SLITRK3: variants seen among roughly 807,000 people sequenced by gnomAD.
The protein encoded by SLITRK3 is SLIT and NTRK like family member 3, also known as SLIT and NTRK-like protein 3.
Under a neutral mutation model 63.6 loss-of-function variants are expected in SLITRK3, and 16 were observed. That is an observed-to-expected ratio of 0.25 (90% confidence interval 0.17 to 0.38). The LOEUF is 0.38. Among genes scored for constraint, SLITRK3 ranks in the 10% least tolerant of loss-of-function variants. The pLI is 1.00. For synonymous variants in SLITRK3, 547 were observed against 451.6 expected, an observed-to-expected ratio of 1.21 and a Z score of -2.68; for missense variants, 1,117 against 1,181.4, an observed-to-expected ratio of 0.95 and a Z score of 0.80.
chr3:165,187,769 T>G lies in SLITRK3; in HGVS notation c.*128A>C. On this transcript the variant is annotated 3_prime_UTR_variant, in exon 2 of 2. Coordinates refer to ENST00000475390, the MANE Select transcript of SLITRK3 (RefSeq NM_001318810.2). ...TCTAGTTATCATGCGGTTTTAGTTT[T>G]GTTCAGGGTAGGAAAGATCGTGAGG... 1 of 736,426 alleles carries G rather than the reference T, an allele frequency of 1.4e-6. No individual in the cohort carries two copies. 45.6% of individuals were successfully genotyped at this position (736,426 alleles called of 1,614,324 possible).
chr3:165,196,897 G>GTCTCTCTCTCTCTGTCTCTCTC, upstream of SLITRK3: 1 of 96,528 alleles, frequency 1.0e-5, no homozygotes, highest in African/African-American at 3.6e-5. Flanking sequence ...CTCTCTCTCT[G>GTCTCTCTCTCTCTGTCTCTCTC]TCTCTCTCTC....
upstream of SLITRK3, chr3:165,196,981 T>TCTCG (rs1718463427): frequency 6.6e-6 from 1 of 151,934 alleles, no homozygotes; most frequent in Non-Finnish European, 1.5e-5. Flanking sequence ...TCTCGCTCTC[T>TCTCG]CTCTCTCGCT....
intron 1 of SLITRK3, 29 bp downstream of exon 1, chr3:165,195,546 ATTAGG>A (rs1718385475): frequency 6.6e-6 from 1 of 152,280 alleles, no homozygotes; most frequent in Non-Finnish European, 1.5e-5. Flanking sequence ...ACTGGTTTCA[ATTAGG>A]CGAAGTAGGA....
At position 165,187,277 on chromosome 3, in the gene SLITRK3, G is replaced by C. The variant is rs895112644; in HGVS notation, c.*620C>G. ...GTACCTGCACCAGCAGGAAGAAACT[G>C]CAGGTTTAGGGACCATGGTCTGCAG... is the stretch of plus-strand genomic sequence containing the variant. On this transcript the variant is annotated 3_prime_UTR_variant, in exon 2 of 2. Transcript: ENST00000475390. 6.5e-6 allele frequency: 1 copy of C among 153,178 alleles called. No individual in the cohort carries two copies. The highest frequency in any genetic ancestry group is 1.4e-5 in the Non-Finnish European group (1 of 69,316). 9.5% of individuals were successfully genotyped at this position (153,178 alleles called of 1,614,324 possible). A position where few individuals can be genotyped will look rare whatever the true frequency, so the allele number is the denominator to read the frequency against.
rs1200956797 is a variant in SLITRK3, at chr3:165,189,482, C to T, written c.1349G>A (p.Gly450Glu). Reference protein sequence around the residue: ...GNNRISYVQDGAFINLPNLKS... With the variant: ...GNNRISYVQDEAFINLPNLKS... ...TAAGTTGGGCAAGTTGATAAAGGCC[C>T]CATCTTGGACATAGGAAATACGATT... is the stretch of plus-strand genomic sequence containing the variant. Residue 450 changes from glycine (G) to glutamate (E), a missense_variant, in exon 2 of 2, where the codon GGG becomes GAG. This residue lies in a region of SLITRK3 where 158 missense variants were observed against 197.2 expected (regional missense o/e 0.80). Coordinates refer to ENST00000475390, the MANE Select transcript of SLITRK3 (RefSeq NM_001318810.2). This position sits in a 1 kb window ranked among gnomAD's most constrained non-coding sequence, Gnocchi z 4.0. The T allele has an allele frequency of 6.2e-7, 1 of 1,613,460 alleles. No homozygotes were observed. The highest frequency in any genetic ancestry group is 1.7e-5 in the Admixed American group (1 of 59,990).
At position 165,189,829 on chromosome 3, in the gene SLITRK3, C is replaced by G; in HGVS notation, c.1002G>C (p.Lys334Asn). 6.2e-7 allele frequency: 1 copy of G among 1,613,988 alleles called. No individual in the cohort carries two copies. Among genetic ancestry groups the G allele is most frequent in the Non-Finnish European group, 8.5e-7 (1 of 1,179,992 alleles). ...VEYKSSNKQP[K>N]PTKQPRTPRP... ...TTGGTGTTCGAGGCTGTTTGGTGGG[C>G]TTAGGCTGTTTATTTGAGGACTTGT... is the stretch of plus-strand genomic sequence containing the variant. The change falls in exon 2 of 2, where the codon AAG (lysine) becomes AAC (asparagine). Residue 334 changes from lysine (K) to asparagine (N), a missense_variant. Lys to Asn is a moderately conservative substitution (Grantham distance 94). This residue lies in a region of SLITRK3 where 452 missense variants were observed against 495.3 expected (regional missense o/e 0.91). Transcript: ENST00000475390. The surrounding 1 kb of genome is among the most constrained non-coding windows in gnomAD (Gnocchi z 4.0).
chr3:165,196,421 G>C (rs909045140), upstream of SLITRK3, among the ~76,000 whole-genome samples: 3 of 146,592 alleles, frequency 2.0e-5, no homozygotes, highest in Admixed American at 6.8e-5. Context: ...CTTCTCGAGC[G>C]GGAGAAGGTG....
rs148619985 is a variant in SLITRK3, at chr3:165,188,957, G to C, written c.1874C>G (p.Ala625Gly). 5.0e-6 allele frequency: 8 copies of C among 1,614,138 alleles called. No individual in the cohort carries two copies. The Admixed American group carries it at 1.2e-4, about 24-fold the overall frequency. Residue 625 changes from alanine (A) to glycine (G), a missense_variant, in exon 2 of 2, where the codon GCC becomes GGC. Ala to Gly is a moderately conservative substitution (Grantham distance 60). This residue lies in a region of SLITRK3 where 499 missense variants were observed against 463.6 expected (regional missense o/e 1.08). Transcript: ENST00000475390. The stretch of plus-strand genomic sequence containing the variant: ...AATAAGGTGAGAATCTCCAGGCTGG[G>C]CTGGGGATTCTCCAGCTGGTGCAAC... ...LHVAPAGESP[A>G]QPGDSHLIGA...
At chr3:165,192,010 T>C (rs1718247112) in intron 1 of SLITRK3, among the ~76,000 whole-genome samples, 1 of 152,248 alleles carries the variant, frequency 6.6e-6, no homozygotes, top group Non-Finnish European at 1.5e-5. Context: ...ACATAAATGA[T>C]AATAATGCAG....
At chr3:165,196,975 GCT>G (rs139799297), upstream of SLITRK3, 8 of 95,586 alleles carry the variant, frequency 8.4e-5, no homozygotes, top group Non-Finnish European at 1.1e-4. Flanking sequence ...TCTCGCTCTC[GCT>G]CTCTCTCTCT....
intron 1 of SLITRK3, among the ~76,000 whole-genome samples, chr3:165,193,106 A>AGTGTGTGTGTGTGT (rs35240347): frequency 7.0e-6 from 1 of 143,342 alleles, no homozygotes; most frequent in African/African-American, 2.6e-5. Flanking sequence ...CAGTTGAGTG[A>AGTGTGTGTGTGTGT]GTGTGTGTGT....
chr3:165,190,523 G>A lies in SLITRK3; in HGVS notation c.308C>T (p.Ala103Val). Reference sequence around the variant, plus strand: ...ATTGTTCCCAAGATTAATAGACACAGCATTATTCAAATGAAGAAAACTGTT... The same window carrying A: ...ATTGTTCCCAAGATTAATAGACACAACATTATTCAAATGAAGAAAACTGTT... ...YTNSFLHLNNAVSINLGNNAL... is the reference protein window; with the variant it reads ...YTNSFLHLNNVVSINLGNNAL... The change falls in exon 2 of 2, where the codon GCT (alanine) becomes GTT (valine). Residue 103 changes from alanine (A) to valine (V), a missense_variant. Ala to Val is a moderately conservative substitution (Grantham distance 64). This residue lies in a region of SLITRK3 where 452 missense variants were observed against 495.3 expected (regional missense o/e 0.91). Coordinates refer to ENST00000475390, the MANE Select transcript of SLITRK3 (RefSeq NM_001318810.2). The A allele has an allele frequency of 2.5e-6, 4 of 1,613,514 alleles. No individual in the cohort carries two copies. The highest frequency in any genetic ancestry group is 2.5e-6 in the Non-Finnish European group (3 of 1,179,712).
At position 165,189,478 on chromosome 3, in the gene SLITRK3, G is replaced by A. The variant is rs139318309; in HGVS notation, c.1353C>T (p.Ala451=). 5 of 1,613,568 alleles carry A rather than the reference G, an allele frequency of 3.1e-6. No homozygotes were observed. The highest frequency in any genetic ancestry group is 2.7e-5 in the African/African-American group (2 of 75,054). Residue 451 remains alanine, a synonymous_variant, in exon 2 of 2, where the codon GCC becomes GCT. Transcript: ENST00000475390. This position sits in a 1 kb window ranked among gnomAD's most constrained non-coding sequence, Gnocchi z 4.0. ...NNRISYVQDG[A]FINLPNLKSL... ...TCTTTAAGTTGGGCAAGTTGATAAA[G>A]GCCCCATCTTGGACATAGGAAATAC...
chr3:165,190,498 A>G lies in SLITRK3; in HGVS notation c.333T>C (p.Asn111=), dbSNP rs2108208736. Residue 111 remains asparagine (N), a synonymous_variant, in exon 2 of 2, where the codon AAT becomes AAC. Coordinates refer to ENST00000475390, the MANE Select transcript of SLITRK3 (RefSeq NM_001318810.2). ...CTCCAGTCTGAATGTCCTGCAATGC[A>G]TTGTTCCCAAGATTAATAGACACAG... ...NNAVSINLGN[N]ALQDIQTGAF... The G allele has an allele frequency of 1.9e-6, 3 of 1,613,960 alleles. No homozygotes were observed. Among genetic ancestry groups the G allele is most frequent in the Middle Eastern group, 1.6e-4 (1 of 6,062 alleles).
At position 165,187,882 on chromosome 3, in the gene SLITRK3, A is replaced by G; in HGVS notation, c.*15T>C. On this transcript the variant is annotated 3_prime_UTR_variant, in exon 2 of 2. Transcript: ENST00000475390. ...TTTGAAAAAAAAAAAGCACTAATAT[A>G]TTTTCTTCTCTCTGTTAGAACCTGT... 6.4e-7 allele frequency: 1 copy of G among 1,554,658 alleles called. No homozygotes were observed. The highest frequency in any genetic ancestry group is 2.3e-5 in the East Asian group (1 of 44,310).
At position 165,187,630 on chromosome 3, in the gene SLITRK3, A is replaced by G. The variant is rs1346898722; in HGVS notation, c.*267T>C. The stretch of plus-strand genomic sequence containing the variant: ...AAGTCTCAAGTTTCAGTATAAAAAA[A>G]TAATGATAACATTTGCTGGCAAAAG... On this transcript the variant is annotated 3_prime_UTR_variant, in exon 2 of 2. Coordinates refer to ENST00000475390, the MANE Select transcript of SLITRK3 (RefSeq NM_001318810.2). The G allele has an allele frequency of 1.2e-5, 4 of 340,458 alleles. No individual in the cohort carries two copies. The highest frequency in any genetic ancestry group is 2.1e-5 in the Non-Finnish European group (4 of 188,072). 21.1% of individuals were successfully genotyped at this position (340,458 alleles called of 1,614,324 possible).
At chr3:165,192,943 C>A (rs1004241750) in intron 1 of SLITRK3, among the ~76,000 whole-genome samples, 1 of 152,014 alleles carries the variant, frequency 6.6e-6, no homozygotes, top group African/African-American at 2.4e-5. Context: ...AAGGCTCAAT[C>A]ACAGTGCAGA....
rs1282312925 is a variant in SLITRK3 at position 165,187,619 on chromosome 3, A to G, written c.*278T>C. The G allele has an allele frequency of 3.2e-6, 1 of 309,828 alleles. No homozygotes were observed. Among genetic ancestry groups the G allele is most frequent in the African/African-American group, 2.1e-5 (1 of 47,358 alleles). The allele number at this position is 309,828 out of a possible 1,614,324, so 19.2% of individuals were successfully genotyped here. On this transcript the variant is annotated 3_prime_UTR_variant, in exon 2 of 2. Coordinates refer to ENST00000475390, the MANE Select transcript of SLITRK3 (RefSeq NM_001318810.2). ...TGGCACAGTCAAAGTCTCAAGTTTC[A>G]GTATAAAAAAATAATGATAACATTT... is the stretch of plus-strand genomic sequence containing the variant.
In SLITRK3 at chr3:165,189,939, A is replaced by C. The variant is rs776725690; in HGVS notation, c.892T>G (p.Ser298Ala). The change falls in exon 2 of 2, where the codon TCG (serine) becomes GCG (alanine). Residue 298 changes from serine (S) to alanine (A), a missense_variant. Ser to Ala is a moderately conservative substitution (Grantham distance 99). Coordinates refer to ENST00000475390, the MANE Select transcript of SLITRK3 (RefSeq NM_001318810.2). The surrounding 1 kb of genome is among the most constrained non-coding windows in gnomAD (Gnocchi z 4.0). ...CATGCATTCTCCTTACTTGATGACG[A>C]ATGTGGAATTCCCAAACTAGCCTCT... is the stretch of plus-strand genomic sequence containing the variant. ...EVEASLGIPH[S>A]SSSKENAWPT... 6 of 1,614,038 alleles carry C rather than the reference A, an allele frequency of 3.7e-6. No homozygotes were observed.
Sources: allele counts gnomAD v4.1 joint callset (sites outside exome capture counted in the v4.1 genomes callset), GRCh38; gene constraint gnomAD v4.1.1; regional missense constraint gnomAD v4.1.1; non-coding constraint Gnocchi (gnomAD v3.1); transcripts MANE v1.5; gene names NCBI Gene and HGNC (gene_info 2026-07-23, HGNC 2026-07-21).